RYR2: variants seen among roughly 807,000 people sequenced by gnomAD.
RYR2 encodes cardiac muscle ryanodine receptor-calcium release channel.
A neutral mutation model predicts 601.1 loss-of-function variants in RYR2; 227 were observed. The observed-to-expected ratio is 0.38, with a 90% CI of 0.34 to 0.42. The LOEUF is 0.42. Ranked by LOEUF, RYR2 falls within the 10% of genes least tolerant of loss-of-function variation. RYR2 has a pLI of 1.00. For synonymous variants in RYR2, 2,223 were observed against 2,175.1 expected (o/e 1.02, Z -0.61); for missense variants, 4,646 against 6,156.5 (o/e 0.75, Z 8.21).
intron 19 of RYR2, among the ~76,000 whole-genome samples, chr1:237,493,484 G>A (rs901112035): frequency 6.6e-6 from 1 of 151,654 alleles, no homozygotes; most frequent in Non-Finnish European, 1.5e-5. Flanking sequence ...ACAGAGTCTC[G>A]CTCTGTCGCC....
rs1208181304 is a variant in RYR2 at position 237,660,810 on chromosome 1, G to C, written c.8299G>C (p.Glu2767Gln). The C allele has an allele frequency of 6.5e-7, 1 of 1,538,342 alleles. No individual in the cohort carries two copies. Among genetic ancestry groups the C allele is most frequent in the South Asian group, 1.2e-5 (1 of 81,798 alleles). The change falls in exon 56 of 105, where the codon GAA becomes CAA. Residue 2767 changes from glutamate to glutamine, a missense_variant and splice_region_variant. Physicochemically the swap from Glu to Gln is conservative, Grantham distance 29. Coordinates refer to ENST00000366574, the MANE Select transcript of RYR2 (RefSeq NM_001035.3). ...MKPYKLLSEK[E>Q]KEIYRWPIKE... ...TTGTTTCTTGTTTTTTCTTCTCTAG[G>C]AAAAAGAAATTTATCGCTGGCCAAT...
intron 76 of RYR2, among the ~76,000 whole-genome samples, chr1:237,729,240 A>G (rs1156558224): frequency 6.6e-6 from 1 of 152,150 alleles, no homozygotes; most frequent in Non-Finnish European, 1.5e-5. Flanking sequence ...GGTGCTTTTA[A>G]GAAACACACT....
In RYR2 at chr1:237,724,715, T is replaced by TTA. The variant is rs1165686635; in HGVS notation, c.10689+1465_10689+1466dup. 1.4e-3 allele frequency among the ~76,000 whole-genome samples: 203 copies of TTA among 149,468 alleles called. 1 individual carries two copies. The highest frequency in any genetic ancestry group is 4.6e-3 in the African/African-American group (187 of 40,880). The stretch of plus-strand genomic sequence containing the variant: ...AAGTCATAGAGTTTTATCTCCAGAA[T>TTA]TATATATATATATGTTTAAGATTAT... On this transcript the variant is annotated intron_variant, in intron 74 of 104. Transcript: ENST00000366574.
intron 1 of RYR2, among the ~76,000 whole-genome samples, chr1:237,262,380 T>G (rs1572398044): frequency 6.6e-6 from 1 of 150,706 alleles, no homozygotes; most frequent in Middle Eastern, 3.4e-3. Flanking sequence ...CTTAGCCTCC[T>G]GAGTAGCTGG....
At chr1:237,273,787 TA>T (rs1689951912) in intron 2 of RYR2, among the ~76,000 whole-genome samples, 3 of 150,630 alleles carry the variant, frequency 2.0e-5, no homozygotes, top group Non-Finnish European at 4.4e-5. Context: ...GAATATTATT[TA>T]AAAATATGAG....
At chr1:237,576,558 C>T (rs578028091) in intron 29 of RYR2, among the ~76,000 whole-genome samples, 3 of 152,198 alleles carry the variant, frequency 2.0e-5, no homozygotes, top group Admixed American at 1.3e-4. Flanking sequence ...ATGGTCACTT[C>T]TTCACACCCT....
chr1:237,042,813 G>T (rs2148064352), intron 1 of RYR2, among the ~76,000 whole-genome samples: 1 of 152,282 alleles, frequency 6.6e-6, no homozygotes, highest in African/African-American at 2.4e-5. Context: ...GCGGCTAGCC[G>T]GCGGCAGGCG....
At chr1:237,286,148 G>C (rs1216853359) in intron 2 of RYR2, among the ~76,000 whole-genome samples, 1 of 151,952 alleles carries the variant, frequency 6.6e-6, no homozygotes, top group Non-Finnish European at 1.5e-5. Context: ...TTTTGATATA[G>C]ACATTTAGGG....
intron 1 of RYR2, among the ~76,000 whole-genome samples, chr1:237,219,652 A>G (rs1409537571): frequency 6.6e-6 from 1 of 152,178 alleles, no homozygotes; most frequent in Non-Finnish European, 1.5e-5. Context: ...ATCCTGCTAG[A>G]AAGGAAGAAG....
chr1:237,219,092 A>G (rs1572244039), intron 1 of RYR2, among the ~76,000 whole-genome samples: 1 of 144,734 alleles, frequency 6.9e-6, no homozygotes, highest in South Asian at 2.2e-4. Context: ...GGCTCACCAC[A>G]CCTCTGCTTC....
intron 88 of RYR2, 134 bp from the exon 89 acceptor site, chr1:237,781,431 C>T (rs1248263921): frequency 1.8e-5 from 10 of 553,662 alleles, no homozygotes; most frequent in East Asian, 9.0e-5. Context: ...AATATTTGGC[C>T]CTCCTTTAGT....
At chr1:237,669,734 G>T (rs1169420735) in intron 58 of RYR2, among the ~76,000 whole-genome samples, 1 of 151,152 alleles carries the variant, frequency 6.6e-6, no homozygotes, top group Admixed American at 6.6e-5. Flanking sequence ...ATGTGATGGC[G>T]GCTGGGAAGA....
At chr1:237,107,519 C>T (rs867640402) in intron 1 of RYR2, among the ~76,000 whole-genome samples, 1 of 38,900 alleles carries the variant, frequency 2.6e-5, no homozygotes, top group African/African-American at 7.1e-5. Flanking sequence ...GACTCCATCT[C>T]AAAAAAAAAA....
At chr1:237,344,178 A>G (rs554261224) in intron 3 of RYR2, among the ~76,000 whole-genome samples, 1 of 152,302 alleles carries the variant, frequency 6.6e-6, no homozygotes, top group South Asian at 2.1e-4. Flanking sequence ...TTAGGAAGAA[A>G]TATGTGCAGC....
At chr1:237,230,175 T>A (rs769233673) in intron 1 of RYR2, among the ~76,000 whole-genome samples, 2 of 152,120 alleles carry the variant, frequency 1.3e-5, no homozygotes, top group Non-Finnish European at 2.9e-5. Context: ...AACAACCAAC[T>A]AACAAAAGAA....
intron 17 of RYR2, among the ~76,000 whole-genome samples, chr1:237,480,669 A>G (rs969865838): frequency 1.3e-5 from 2 of 152,172 alleles, no homozygotes; most frequent in African/African-American, 2.4e-5. Flanking sequence ...ATAGTACATT[A>G]TAATTACAGT....
chr1:237,061,793 T>C (rs1662925337), intron 1 of RYR2, among the ~76,000 whole-genome samples: 2 of 151,976 alleles, frequency 1.3e-5, no homozygotes, highest in Non-Finnish European at 2.9e-5. Context: ...TTTTAAATCA[T>C]GGTTTGTGGT....
At chr1:237,170,664 A>G (rs1677256481) in intron 1 of RYR2, among the ~76,000 whole-genome samples, 1 of 152,256 alleles carries the variant, frequency 6.6e-6, no homozygotes, top group Non-Finnish European at 1.5e-5. Flanking sequence ...ATTTGGAAAC[A>G]GAAGAGGTTA....
At chr1:237,424,658 T>G (rs1455218930) in intron 12 of RYR2, among the ~76,000 whole-genome samples, 1 of 152,216 alleles carries the variant, frequency 6.6e-6, no homozygotes, top group Non-Finnish European at 1.5e-5. Flanking sequence ...ATCTATATGT[T>G]AGGTAAAATC....
Sources: allele counts gnomAD v4.1 joint callset (sites outside exome capture counted in the v4.1 genomes callset), GRCh38; gene constraint gnomAD v4.1.1; transcripts MANE v1.5; gene names NCBI Gene and HGNC (gene_info 2026-07-23, HGNC 2026-07-21).